SP140: variants seen among roughly 807,000 people sequenced by gnomAD.
SP140 encodes the protein nuclear body protein SP140.
SP140 carries 81 observed loss-of-function variants against 125.0 expected under a neutral mutation model. The ratio of observed to expected loss-of-function variants is 0.65; its 90% CI spans 0.54 to 0.78. SP140 has a LOEUF of 0.78. SP140 is among the 30% of genes least tolerant of loss of function. The probability of loss-of-function intolerance (pLI) is 0.00; values close to 1 mark genes in which losing one functional copy is unlikely to be tolerated. For synonymous variants in SP140, 312 were observed against 354.0 expected (o/e 0.88, Z 1.33); for missense variants, 858 against 1,037.0 (o/e 0.83, Z 2.37).
intron 14 of SP140, among the ~76,000 whole-genome samples, 176 bp downstream of exon 14, chr2:230,270,129 G>T (rs761594586): frequency 6.6e-6 from 1 of 152,104 alleles, no homozygotes; most frequent in Non-Finnish European, 1.5e-5. Flanking sequence ...TATTTAAGAG[G>T]ATGGACTCTG....
intron 22 of SP140, among the ~76,000 whole-genome samples, chr2:230,300,781 A>G (rs1012580031): frequency 9.9e-5 from 15 of 152,238 alleles, no homozygotes; most frequent in African/African-American, 3.6e-4. Context: ...CTCACCAGCA[A>G]TGGATCCAAA....
chr2:230,264,616 G>A (rs1268317655), intron 12 of SP140, among the ~76,000 whole-genome samples: 1 of 152,182 alleles, frequency 6.6e-6, no homozygotes, highest in Non-Finnish European at 1.5e-5. Flanking sequence ...GTCAGAGGGA[G>A]GGTCTAGGGC....
the SP140 span, among the ~76,000 whole-genome samples, chr2:230,192,064 G>A: frequency 6.6e-6 from 1 of 152,022 alleles, no homozygotes; most frequent in Admixed American, 6.6e-5. Context: ...TGCAGAAAAG[G>A]CCTTTGATAA....
At chr2:230,233,455 T>C (rs563645498) in intron 1 of SP140, among the ~76,000 whole-genome samples, 1 of 152,172 alleles carries the variant, frequency 6.6e-6, no homozygotes, top group Non-Finnish European at 1.5e-5. Flanking sequence ...AATTTTATTA[T>C]ATGCAGTATA....
At chr2:230,257,222 G>A (rs1415143705) in intron 12 of SP140, among the ~76,000 whole-genome samples, 1 of 151,804 alleles carries the variant, frequency 6.6e-6, no homozygotes, top group Admixed American at 6.6e-5. Context: ...GAAAGATTAG[G>A]GAGAGATAAG....
chr2:230,288,455 A>ATCTTTCTTTCTT (rs34638665), intron 18 of SP140, among the ~76,000 whole-genome samples: 1,279 of 123,624 alleles, frequency 0.01, 26 homozygotes, highest in East Asian at 0.014. Flanking sequence ...TAGGCCAACT[A>ATCTTTCTTTCTT]TCTTTCTTTC....
chr2:230,306,854 C>T (rs943927066), intron 22 of SP140, among the ~76,000 whole-genome samples: 1 of 152,182 alleles, frequency 6.6e-6, no homozygotes, highest in Non-Finnish European at 1.5e-5. Context: ...CAGACAGGCT[C>T]CTGGGTGGGA....
chr2:230,238,490 C>T, intron 3 of SP140, 109 bp downstream of exon 3: 3 of 1,066,364 alleles, frequency 2.8e-6, no homozygotes, highest in South Asian at 3.0e-5. Context: ...GTGACTATTA[C>T]ATGCCAAGCC....
At chr2:230,270,147 G>C (rs939237182) in intron 14 of SP140, among the ~76,000 whole-genome samples, 194 bp downstream of exon 14, 25 of 152,144 alleles carry the variant, frequency 1.6e-4, no homozygotes, top group Non-Finnish European at 3.2e-4. Context: ...CTGTTGATTA[G>C]ACATAGATGA....
chr2:230,237,474 A>G lies in SP140; in HGVS notation c.237+214A>G, dbSNP rs1170717060. 3.9e-6 allele frequency: 2 copies of G among 513,540 alleles called. No individual in the cohort carries two copies. Among genetic ancestry groups the G allele is most frequent in the East Asian group, 6.8e-5 (2 of 29,400 alleles). The allele number at this position is 513,540 out of a possible 1,614,324, so 31.8% of individuals were successfully genotyped here. ...GCCACAGTGAGGGAGGTGGGGCAGG[A>G]GAGAGAATGGGAATGCTGTATGGGT... On this transcript the variant is annotated intron_variant, in intron 2 of 26. Coordinates refer to ENST00000392045, the MANE Select transcript of SP140 (RefSeq NM_007237.5). The surrounding 1 kb of genome is among the most constrained non-coding windows in gnomAD (Gnocchi z 5.4).
chr2:230,287,214 A>G (rs2056498394), intron 17 of SP140, among the ~76,000 whole-genome samples: 1 of 152,176 alleles, frequency 6.6e-6, no homozygotes. Flanking sequence ...TCTTCTGATT[A>G]GTTTCTTAGA....
intron 1 of SP140, chr2:230,213,072 A>C (rs1340510932): frequency 1.2e-6 from 2 of 1,601,736 alleles, no homozygotes; most frequent in African/African-American, 2.7e-5. Flanking sequence ...GGAGACTCAG[A>C]ATTACTTGGG....
upstream of SP140, chr2:230,225,473 C>A: frequency 3.0e-6 from 1 of 338,682 alleles, no homozygotes; most frequent in East Asian, 8.4e-5. Context: ...TCCTTCTCAG[C>A]CACCTCAGCA....
chr2:230,238,371 C>T lies in SP140; in HGVS notation c.396C>T (p.Ser132=), dbSNP rs1407312783. ...CTGATTTAAACGAGATTTACAGAAG[C>T]TTCCAGAATGGTAACTATAGCTCTC... ...AYPDLNEIYR[S]FQNVCYEHSP... is the part of the protein sequence containing the mutation. The change falls in exon 3 of 27, where the codon AGC becomes AGT. Residue 132 remains serine, a synonymous_variant. Transcript: ENST00000392045. 6.2e-7 allele frequency: 1 copy of T among 1,610,302 alleles called. No homozygotes were observed. The highest frequency in any genetic ancestry group is 1.1e-5 in the South Asian group (1 of 90,398).
intron 15 of SP140, chr2:230,270,840 T>C (rs2053821994): frequency 1.6e-6 from 1 of 628,244 alleles, no homozygotes; most frequent in Non-Finnish European, 3.0e-6. Flanking sequence ...ACTTTACAGA[T>C]ACAATTAAGC....
Position 230,310,745 on chromosome 2 carries a change from C to G in SP140, c.2177C>G (p.Thr726Ser). 1 of 1,517,448 alleles carries G rather than the reference C, an allele frequency of 6.6e-7. No individual in the cohort carries two copies. The highest frequency in any genetic ancestry group is 8.9e-7 in the Non-Finnish European group (1 of 1,118,408). 94.0% of individuals were successfully genotyped at this position (1,517,448 alleles called of 1,614,324 possible). Residue 726 changes from threonine to serine, a missense_variant and splice_region_variant, in exon 24 of 27, where the codon ACC (threonine) becomes AGC (serine). By Grantham distance (58) the Thr-to-Ser change is moderately conservative. This residue lies in a region of SP140 where 791 missense variants were observed against 869.5 expected (regional missense o/e 0.91). Transcript: ENST00000392045. ...CHIPPVEAER[T>S]PWNCIFCRMK... ...CTCACCCATGTCCAATCTCTCAGGA[C>G]CCCGTGGAATTGCATCTTCTGCAGG...
chr2:230,197,773 T>C, the SP140 span, among the ~76,000 whole-genome samples: 3 of 152,170 alleles, frequency 2.0e-5, no homozygotes, highest in African/African-American at 7.2e-5. Context: ...GCTAGCCAGT[T>C]TTCCCAGCAC....
upstream of SP140, among the ~76,000 whole-genome samples, chr2:230,202,349 T>C (rs1162729130): frequency 6.6e-6 from 1 of 152,234 alleles, no homozygotes; most frequent in Non-Finnish European, 1.5e-5. Context: ...ATTTGAGAGC[T>C]GCTGCCCCAG....
chr2:230,270,088 TGC>T (rs2053708069), intron 14 of SP140, 135 bp downstream of exon 14: 1 of 647,750 alleles, frequency 1.5e-6, no homozygotes, highest in Non-Finnish European at 2.8e-6. Context: ...TTTGGGGAGC[TGC>T]AGGGAGGCAA....
Sources: allele counts gnomAD v4.1 joint callset (sites outside exome capture counted in the v4.1 genomes callset), GRCh38; gene constraint gnomAD v4.1.1; regional missense constraint gnomAD v4.1.1; non-coding constraint Gnocchi (gnomAD v3.1); transcripts MANE v1.5; gene names NCBI Gene and HGNC (gene_info 2026-07-23, HGNC 2026-07-21).